The following MAML2 variants were observed in gnomAD, a reference collection of about 807,000 sequenced individuals.
MAML2 encodes mastermind like transcriptional coactivator 2, also known as mastermind-like protein 2.
Under a neutral mutation model 96.1 loss-of-function variants are expected in MAML2, and 22 were observed. The ratio of observed to expected loss-of-function variants is 0.23; its 90% CI spans 0.16 to 0.33. MAML2 has a LOEUF of 0.33. Ranked by LOEUF, MAML2 falls within the 10% of genes least tolerant of loss-of-function variation. The probability of loss-of-function intolerance (pLI) is 1.00; values close to 1 mark genes in which losing one functional copy is unlikely to be tolerated. For synonymous variants in MAML2, 561 were observed against 521.3 expected (o/e 1.08, Z -1.04); for missense variants, 1,367 against 1,392.4 (o/e 0.98, Z 0.29).
intron 1 of MAML2, among the ~76,000 whole-genome samples, chr11:96,224,311 T>A (rs1862181528): frequency 1.3e-5 from 2 of 152,220 alleles, no homozygotes; most frequent in Non-Finnish European, 2.9e-5. Flanking sequence ...AACACTCTGA[T>A]AACTCTCCAC....
At chr11:96,259,210 T>G (rs1421667417) in intron 1 of MAML2, among the ~76,000 whole-genome samples, 1 of 152,246 alleles carries the variant, frequency 6.6e-6, no homozygotes, top group Non-Finnish European at 1.5e-5. Flanking sequence ...GCCAGCCCCC[T>G]TCAAGATGTT....
chr11:96,066,472 G>A (rs565149344), intron 2 of MAML2, among the ~76,000 whole-genome samples: 22 of 152,240 alleles, frequency 1.4e-4, no homozygotes, highest in Admixed American at 5.2e-4. Context: ...TATATAGGTG[G>A]ACTGGACAAC....
At chr11:96,238,677 G>T (rs1862395388) in intron 1 of MAML2, among the ~76,000 whole-genome samples, 1 of 152,214 alleles carries the variant, frequency 6.6e-6, no homozygotes, top group African/African-American at 2.4e-5. Flanking sequence ...AAGGTTTAAT[G>T]AGCCAGAAAT....
At chr11:96,212,137 G>GTGTGTT (rs1555025021) in intron 1 of MAML2, among the ~76,000 whole-genome samples, 1 of 150,248 alleles carries the variant, frequency 6.7e-6, no homozygotes. Context: ...GTGTGTGTGT[G>GTGTGTT]TGTGTGTGTG....
intron 1 of MAML2, among the ~76,000 whole-genome samples, chr11:96,239,737 A>G (rs1280436603): frequency 6.6e-6 from 1 of 152,204 alleles, no homozygotes; most frequent in Non-Finnish European, 1.5e-5. Flanking sequence ...CATGTCATAG[A>G]GCAGCAGTGG....
intron 1 of MAML2, among the ~76,000 whole-genome samples, chr11:96,157,120 G>A (rs1320677577): frequency 6.6e-6 from 1 of 152,246 alleles, no homozygotes; most frequent in Non-Finnish European, 1.5e-5. Flanking sequence ...AACATTCTGT[G>A]TTTTGTAGGT....
chr11:96,152,989 T>C (rs1482061737), intron 1 of MAML2, among the ~76,000 whole-genome samples: 1 of 152,164 alleles, frequency 6.6e-6, no homozygotes, highest in East Asian at 1.9e-4. Flanking sequence ...AATTATCACA[T>C]TTCTACAGCC....
intron 1 of MAML2, among the ~76,000 whole-genome samples, chr11:96,174,304 CT>C (rs1244300641): frequency 6.6e-6 from 1 of 152,260 alleles, no homozygotes; most frequent in Non-Finnish European, 1.5e-5. Context: ...TCTGTGAACA[CT>C]CCCCCAGGAC....
chr11:96,090,954 A>G (rs1453940844), intron 2 of MAML2, among the ~76,000 whole-genome samples: 2 of 152,222 alleles, frequency 1.3e-5, no homozygotes, highest in Non-Finnish European at 2.9e-5. Flanking sequence ...TAGATAACGC[A>G]GACCTGTCAA....
intron 2 of MAML2, among the ~76,000 whole-genome samples, chr11:96,044,849 T>G (rs958619228): frequency 6.6e-6 from 1 of 152,234 alleles, no homozygotes; most frequent in East Asian, 1.9e-4. Flanking sequence ...TATTTTTGTC[T>G]TCATCCATTG....
chr11:96,304,036 G>GT (rs1863429738), intron 1 of MAML2, among the ~76,000 whole-genome samples: 1 of 152,194 alleles, frequency 6.6e-6, no homozygotes, highest in Non-Finnish European at 1.5e-5. Flanking sequence ...ATTAATGTCT[G>GT]TACCTCCTTC....
intron 1 of MAML2, among the ~76,000 whole-genome samples, chr11:96,284,807 A>T (rs1863116094): frequency 2.6e-5 from 4 of 152,242 alleles, no homozygotes; most frequent in Admixed American, 2.6e-4. Context: ...CCCATGAAGA[A>T]TCAGTCTCTT....
chr11:96,331,672 G>C (rs1392835326), intron 1 of MAML2, among the ~76,000 whole-genome samples: 1 of 151,616 alleles, frequency 6.6e-6, no homozygotes, highest in African/African-American at 2.4e-5. Context: ...AAAAAAATTA[G>C]CCGGGCGTGG....
chr11:96,041,280 C>T (rs2135756289), intron 2 of MAML2, among the ~76,000 whole-genome samples: 2 of 150,712 alleles, frequency 1.3e-5, no homozygotes, highest in Middle Eastern at 6.9e-3. Flanking sequence ...CACTTGAGGT[C>T]AGGAGTTCAA....
chr11:96,035,680 T>G (rs1449801510), intron 2 of MAML2, among the ~76,000 whole-genome samples: 3 of 152,182 alleles, frequency 2.0e-5, no homozygotes, highest in Admixed American at 2.0e-4. Context: ...GCTTTCCCAT[T>G]TTTTGGTATT....
intron 2 of MAML2, among the ~76,000 whole-genome samples, chr11:96,001,206 G>A (rs1048741610): frequency 4.6e-5 from 7 of 152,134 alleles, no homozygotes; most frequent in Non-Finnish European, 8.8e-5. Context: ...CAGCCTCTGG[G>A]GTGGACACGT....
chr11:96,082,720 G>A (rs1040505231), intron 2 of MAML2, among the ~76,000 whole-genome samples: 3 of 151,896 alleles, frequency 2.0e-5, no homozygotes, highest in Non-Finnish European at 4.4e-5. Flanking sequence ...GCTTAGACAC[G>A]CTGTCCAACT....
intron 1 of MAML2, among the ~76,000 whole-genome samples, chr11:96,210,327 TG>T (rs1413173777): frequency 2.0e-5 from 3 of 152,186 alleles, no homozygotes; most frequent in Non-Finnish European, 4.4e-5. Flanking sequence ...CAGGCTGGTC[TG>T]GAACTCCTGA....
At chr11:96,215,932 T>A (rs1025708139) in intron 1 of MAML2, among the ~76,000 whole-genome samples, 3 of 152,140 alleles carry the variant, frequency 2.0e-5, no homozygotes, top group Non-Finnish European at 4.4e-5. Context: ...CCCCAAAGAC[T>A]TCCAAACACA....
Sources: gnomAD v4.1 joint callset for allele counts (sites outside exome capture counted in the v4.1 genomes callset) on GRCh38, gnomAD v4.1.1 for gene constraint, MANE v1.5 for transcripts, NCBI Gene and HGNC (gene_info 2026-07-23, HGNC 2026-07-21) for gene names.